ST8SIA2: variants seen among roughly 807,000 people sequenced by gnomAD.
ST8SIA2 encodes alpha-2,8-sialyltransferase 8B.
A neutral mutation model predicts 37.6 loss-of-function variants in ST8SIA2; 22 were observed. That is an observed-to-expected ratio of 0.58 (90% CI 0.42 to 0.83). The LOEUF is 0.83. Among genes scored for constraint, ST8SIA2 ranks in the 40% least tolerant of loss-of-function variants. The probability of loss-of-function intolerance (pLI) is 0.00; values close to 1 mark genes in which losing one functional copy is unlikely to be tolerated. For synonymous variants in ST8SIA2, 205 were observed against 201.2 expected (o/e 1.02, Z -0.16); for missense variants, 382 against 484.7 (o/e 0.79, Z 1.99).
In ST8SIA2 at chr15:92,451,545, C is replaced by A. The variant is rs372784022; in HGVS notation, c.842+6616C>A. On this transcript the variant is annotated intron_variant, in intron 5 of 5. Coordinates refer to ENST00000268164, the MANE Select transcript of ST8SIA2 (RefSeq NM_006011.4). ...TTCTCAATTTGTTTGGCTGCCCCTTCACAACAAAGGCATTTTTCAGAAGGA... is the reference window on the plus strand; with the variant it reads ...TTCTCAATTTGTTTGGCTGCCCCTTAACAACAAAGGCATTTTTCAGAAGGA... 3.3e-5 allele frequency among the ~76,000 whole-genome samples: 5 copies of A among 152,286 alleles called. No homozygotes were observed. The East Asian group carries it at 9.7e-4, about 29-fold the overall frequency.
At chr15:92,415,567 C>T (rs2049580637) in intron 1 of ST8SIA2, among the ~76,000 whole-genome samples, 1 of 151,862 alleles carries the variant, frequency 6.6e-6, no homozygotes, top group Admixed American at 6.6e-5. Flanking sequence ...ATACACCCCC[C>T]ACCCCGCCCC....
At chr15:92,429,753 C>T (rs970521993) in intron 1 of ST8SIA2, among the ~76,000 whole-genome samples, 1 of 152,166 alleles carries the variant, frequency 6.6e-6, no homozygotes, top group East Asian at 1.9e-4. Flanking sequence ...GAGACTAATC[C>T]CCAGGGAGTT....
chr15:92,419,689 A>G (rs1596235243), intron 1 of ST8SIA2, among the ~76,000 whole-genome samples: 1 of 152,214 alleles, frequency 6.6e-6, no homozygotes. Context: ...CAAAGGCTCT[A>G]TAGCCATGAG....
chr15:92,399,092 G>T (rs144417336), intron 1 of ST8SIA2, among the ~76,000 whole-genome samples: 90 of 152,326 alleles, frequency 5.9e-4, no homozygotes, highest in African/African-American at 2.1e-3. Flanking sequence ...ACCTGCCATA[G>T]GTATGAGCAT....
chr15:92,443,069 T>G (rs188425270), intron 4 of ST8SIA2, among the ~76,000 whole-genome samples: 1 of 152,254 alleles, frequency 6.6e-6, no homozygotes, highest in East Asian at 1.9e-4. Flanking sequence ...GTTTTCTTTC[T>G]GATTAACCCA....
chr15:92,459,571 G>T (rs528548069), intron 5 of ST8SIA2, among the ~76,000 whole-genome samples: 1 of 152,242 alleles, frequency 6.6e-6, no homozygotes, highest in East Asian at 1.9e-4. Context: ...ATGGCCTGTG[G>T]GATCACCCAG....
At chr15:92,453,869 G>A (rs1046580236) in intron 5 of ST8SIA2, among the ~76,000 whole-genome samples, 3 of 152,216 alleles carry the variant, frequency 2.0e-5, no homozygotes, top group African/African-American at 7.2e-5. Flanking sequence ...GATTTGCTCT[G>A]TGAGGCTCCA....
intron 5 of ST8SIA2, among the ~76,000 whole-genome samples, chr15:92,450,702 T>G (rs182291217): frequency 6.4e-4 from 98 of 152,362 alleles, no homozygotes; most frequent in Admixed American, 1.1e-3. Flanking sequence ...AAACTGTCCC[T>G]GATGATCTAA....
chr15:92,458,594 T>C (rs1021500634), intron 5 of ST8SIA2, among the ~76,000 whole-genome samples: 3 of 152,238 alleles, frequency 2.0e-5, no homozygotes, highest in African/African-American at 7.2e-5. Context: ...CATTCACTTC[T>C]TCCGCAGTCA....
chr15:92,403,685 T>A (rs914938864), intron 1 of ST8SIA2, among the ~76,000 whole-genome samples: 1 of 152,166 alleles, frequency 6.6e-6, no homozygotes, highest in Non-Finnish European at 1.5e-5. Context: ...ATAAGATGTC[T>A]GGAGAAAGTG....
intron 3 of ST8SIA2, among the ~76,000 whole-genome samples, chr15:92,435,210 T>A (rs539369747): frequency 6.6e-6 from 1 of 152,142 alleles, no homozygotes; most frequent in East Asian, 1.9e-4. Context: ...GACATACACA[T>A]GAGGTGGTGC....
chr15:92,433,710 C>A (rs930877269), intron 2 of ST8SIA2, among the ~76,000 whole-genome samples: 1 of 152,228 alleles, frequency 6.6e-6, no homozygotes, highest in Non-Finnish European at 1.5e-5. Flanking sequence ...GGGACAGACA[C>A]AGCACAGATG....
chr15:92,464,359 G>A lies in ST8SIA2; in HGVS notation c.1102G>A (p.Val368Ile). Reference protein sequence around the residue: ...LHEQGALKLTVGQCDGAT With the variant: ...LHEQGALKLTIGQCDGAT ...TGAGCAGGGGGCTTTGAAACTGACT[G>A]TCGGCCAGTGCGATGGGGCCACGTA... Residue 368 changes from valine to isoleucine, a missense_variant, in exon 6 of 6, where the codon GTC becomes ATC. By Grantham distance (29) the Val-to-Ile change is conservative (BLOSUM62 3). Coordinates refer to ENST00000268164, the MANE Select transcript of ST8SIA2 (RefSeq NM_006011.4). 1 of 1,613,952 alleles carries A rather than the reference G, an allele frequency of 6.2e-7. No homozygotes were observed. Among genetic ancestry groups the A allele is most frequent in the Non-Finnish European group, 8.5e-7 (1 of 1,180,034 alleles).
chr15:92,422,947 G>A (rs975571321), intron 1 of ST8SIA2, among the ~76,000 whole-genome samples: 3 of 152,174 alleles, frequency 2.0e-5, no homozygotes, highest in African/African-American at 7.2e-5. Flanking sequence ...CCTTAGAACT[G>A]CCGTATCAAC....
intron 1 of ST8SIA2, among the ~76,000 whole-genome samples, chr15:92,405,532 A>T (rs1477628680): frequency 6.6e-6 from 1 of 152,052 alleles, no homozygotes; most frequent in Non-Finnish European, 1.5e-5. Context: ...AGCAGCCAGA[A>T]GAGTGCCTGG....
At chr15:92,406,965 G>T (rs1226858037) in intron 1 of ST8SIA2, among the ~76,000 whole-genome samples, 5 of 143,454 alleles carry the variant, frequency 3.5e-5, no homozygotes, top group African/African-American at 5.2e-5. Flanking sequence ...TTACACTCCA[G>T]CCTGGGCATC....
At chr15:92,410,075 G>A (rs6496933) in intron 1 of ST8SIA2, among the ~76,000 whole-genome samples, 88,369 of 152,170 alleles carry the variant, frequency 0.58, 26,231 homozygotes, top group East Asian at 0.85. Flanking sequence ...AGGCCCTAAC[G>A]TCTTTGGGCC....
intron 4 of ST8SIA2, among the ~76,000 whole-genome samples, chr15:92,443,569 C>T (rs2049818701): frequency 6.6e-6 from 1 of 152,124 alleles, no homozygotes; most frequent in Non-Finnish European, 1.5e-5. Context: ...CACTCTCCTG[C>T]TCCAGAACCC....
At chr15:92,457,609 G>T (rs1451396531) in intron 5 of ST8SIA2, among the ~76,000 whole-genome samples, 3 of 152,310 alleles carry the variant, frequency 2.0e-5, no homozygotes, top group African/African-American at 7.2e-5. Context: ...ACACCCAGCT[G>T]TTATCCTAAG....
Sources: gnomAD v4.1 joint callset for allele counts (sites outside exome capture counted in the v4.1 genomes callset) on GRCh38, gnomAD v4.1.1 for gene constraint, MANE v1.5 for transcripts, NCBI Gene and HGNC (gene_info 2026-07-23, HGNC 2026-07-21) for gene names.